LRRC74A: variants seen among roughly 807,000 people sequenced by gnomAD.
The protein encoded by LRRC74A is leucine rich repeat containing 74A, also known as leucine-rich repeat-containing protein 74A.
A neutral mutation model predicts 57.9 loss-of-function variants in LRRC74A; 44 were observed. The ratio of observed to expected loss-of-function variants is 0.76; its 90% CI spans 0.60 to 0.98. The LOEUF (loss-of-function observed/expected upper bound fraction) is 0.98. Ranked by LOEUF, LRRC74A falls within the 50% of genes least tolerant of loss-of-function variation. The pLI, the probability that LRRC74A is intolerant of heterozygous loss-of-function variation, is 0.00. For missense variants in LRRC74A, 572 were observed against 574.0 expected (o/e 1.00, Z 0.04); for synonymous variants, 211 against 219.4 (o/e 0.96, Z 0.34).
At chr14:76,832,057 A>G (rs1896011821) in intron 3 of LRRC74A, among the ~76,000 whole-genome samples, 1 of 152,254 alleles carries the variant, frequency 6.6e-6, no homozygotes, top group African/African-American at 2.4e-5. Flanking sequence ...AAAAAAGCTC[A>G]GTAAGGTAGA....
intron 7 of LRRC74A, among the ~76,000 whole-genome samples, chr14:76,847,688 T>A (rs543889124): frequency 1.5e-3 from 224 of 144,912 alleles, no homozygotes; most frequent in East Asian, 6.4e-3. Context: ...ACTTAAAATT[T>A]AAAAAAAAAA....
chr14:76,835,563 A>T (rs1371195164), intron 3 of LRRC74A, among the ~76,000 whole-genome samples: 3 of 152,110 alleles, frequency 2.0e-5, no homozygotes, highest in Admixed American at 2.0e-4. Context: ...AATTCCTTCC[A>T]AACAGACTTG....
At chr14:76,851,518 C>T (rs1348292982) in intron 7 of LRRC74A, among the ~76,000 whole-genome samples, 2 of 151,984 alleles carry the variant, frequency 1.3e-5, no homozygotes, top group East Asian at 1.9e-4. Flanking sequence ...CCACCACACC[C>T]AGTGAATTTT....
At chr14:76,838,077 T>C (rs1176156984) in intron 5 of LRRC74A, 106 bp downstream of exon 5, 1 of 746,570 alleles carries the variant, frequency 1.3e-6, no homozygotes, top group African/African-American at 1.8e-5. Flanking sequence ...GTCCTTCTAG[T>C]CTTGGAGACC....
intron 13 of LRRC74A, 27 bp from the exon 14 acceptor site, chr14:76,870,098 G>A (rs12878567): frequency 6.2e-7 from 1 of 1,607,692 alleles, no homozygotes; most frequent in Non-Finnish European, 8.5e-7. Context: ...CGGGTGCTCA[G>A]CATCTTTCCC....
chr14:76,830,441 C>A lies in LRRC74A; in HGVS notation c.167-762C>A, dbSNP rs533359651. On this transcript the variant is annotated intron_variant, in intron 2 of 13. Transcript: ENST00000689127. ...GCCTAAAGCCTAAGAAATAAAGGCC[C>A]CCAGGGGTTAGAATGGAAAGGTGCA... Among the ~76,000 whole-genome samples, 3 of 152,324 alleles carry A rather than the reference C, an allele frequency of 2.0e-5. No individual in the cohort carries two copies. The East Asian group carries it at 5.8e-4, about 29-fold the overall frequency.
At chr14:76,844,314 T>C in intron 5 of LRRC74A, 109 bp from the exon 6 acceptor site, 1 of 1,073,592 alleles carries the variant, frequency 9.3e-7, no homozygotes, top group Non-Finnish European at 1.4e-6. Context: ...CTACCACCTT[T>C]TTTCTGTTCG....
chr14:76,866,173 G>C (rs1350832270), intron 12 of LRRC74A, 98 bp downstream of exon 12: 8 of 916,980 alleles, frequency 8.7e-6, no homozygotes. Flanking sequence ...AAAAGAGCTT[G>C]TGAGCACTTC....
intron 2 of LRRC74A, among the ~76,000 whole-genome samples, chr14:76,830,077 A>G (rs1473380302): frequency 3.3e-5 from 5 of 152,170 alleles, no homozygotes; most frequent in African/African-American, 1.2e-4. Context: ...CTCAGAACAG[A>G]ATTATCCAGC....
rs575658292 is a variant in LRRC74A at position 76,830,244 on chromosome 14, G to C, written c.167-959G>C. ...ATTGTCAGCCTTAGATTGTTTGGAGGGGGAGGGGGTTGGCCAAAGGCCCTG... is the reference window on the plus strand; with the variant it reads ...ATTGTCAGCCTTAGATTGTTTGGAGCGGGAGGGGGTTGGCCAAAGGCCCTG... On this transcript the variant is annotated intron_variant, in intron 2 of 13. Transcript: ENST00000689127. 8.5e-5 allele frequency among the ~76,000 whole-genome samples: 13 copies of C among 152,354 alleles called. No homozygotes were observed. In the South Asian group the frequency reaches 1.9e-3, roughly 22 times the overall value.
At chr14:76,851,993 T>TA (rs1370624618) in intron 7 of LRRC74A, among the ~76,000 whole-genome samples, 1 of 152,174 alleles carries the variant, frequency 6.6e-6, no homozygotes, top group African/African-American at 2.4e-5. Flanking sequence ...GATGCCATGG[T>TA]AAACATCTAC....
chr14:76,867,873 G>C (rs1369429597), intron 13 of LRRC74A, among the ~76,000 whole-genome samples: 2 of 152,230 alleles, frequency 1.3e-5, no homozygotes, highest in Non-Finnish European at 2.9e-5. Context: ...CCTAGACAGA[G>C]GGCGGAGGCA....
chr14:76,841,233 A>G (rs1301410230), intron 5 of LRRC74A, among the ~76,000 whole-genome samples: 3 of 151,734 alleles, frequency 2.0e-5, no homozygotes, highest in East Asian at 2.0e-4. Context: ...GTAGAGACAG[A>G]GTTTTGCCAT....
At chr14:76,853,766 G>T (rs994288132) in intron 9 of LRRC74A, among the ~76,000 whole-genome samples, 12 of 151,752 alleles carry the variant, frequency 7.9e-5, no homozygotes, top group South Asian at 4.2e-4. Context: ...GTTTTGTTTT[G>T]TTTTGAGACA....
chr14:76,848,967 A>G (rs1037131130), intron 7 of LRRC74A, among the ~76,000 whole-genome samples: 1 of 152,216 alleles, frequency 6.6e-6, no homozygotes, highest in Non-Finnish European at 1.5e-5. Flanking sequence ...TCAGTGAAGT[A>G]GGAGGCAAGA....
rs367749455 is a variant in LRRC74A at position 76,860,783 on chromosome 14, G to C, written c.1144G>C (p.Gly382Arg). 1.1e-4 allele frequency: 177 copies of C among 1,610,826 alleles called. No individual in the cohort carries two copies. Among genetic ancestry groups the C allele is most frequent in the Non-Finnish European group, 1.4e-4 (165 of 1,177,856 alleles). Residue 382 changes from glycine (G) to arginine (R), a missense_variant, in exon 11 of 14, where the codon GGC (glycine) becomes CGC (arginine). Gly to Arg is a moderately radical substitution (Grantham distance 125, BLOSUM62 -2). Transcript: ENST00000689127. The stretch of plus-strand genomic sequence containing the variant: ...GGACGTGGTATTCAAGGCAGTACAA[G>C]GCCTCTCTCCCAAGAAAACCATCTT... ...QLDVVFKAVQ[G>R]LSPKKTIFLL...
rs750312780 is a variant in LRRC74A, at chr14:76,826,547, G to C, written c.-151G>C. The stretch of plus-strand genomic sequence containing the variant: ...TACTCTTCCCAGGGCTTGCTGGGAG[G>C]GAAGGATAACTGCAGGCTCCCCTGG... On this transcript the variant is annotated 5_prime_UTR_variant, in exon 1 of 14. Transcript: ENST00000689127. 1 of 1,611,866 alleles carries C rather than the reference G, an allele frequency of 6.2e-7. No individual in the cohort carries two copies. Among genetic ancestry groups the C allele is most frequent in the South Asian group, 1.1e-5 (1 of 90,364 alleles).
At chr14:76,860,607 T>C (rs1898219683) in intron 10 of LRRC74A, 86 bp from the exon 11 acceptor site, 4 of 1,309,364 alleles carry the variant, frequency 3.1e-6, no homozygotes, top group East Asian at 5.3e-5. Flanking sequence ...TGACTTTGGC[T>C]TGGGTGGAAG....
chr14:76,835,601 A>C (rs1896272447), intron 3 of LRRC74A, among the ~76,000 whole-genome samples: 7 of 152,098 alleles, frequency 4.6e-5, no homozygotes, highest in Admixed American at 4.6e-4. Context: ...AGAGAGTACC[A>C]GAGCGAGGTG....
Sources: gnomAD v4.1 joint callset for allele counts (sites outside exome capture counted in the v4.1 genomes callset) on GRCh38, gnomAD v4.1.1 for gene constraint, MANE v1.5 for transcripts, NCBI Gene and HGNC (gene_info 2026-07-23, HGNC 2026-07-21) for gene names.